Variants in GABRA2 observed in about 807,000 individuals in gnomAD.
GABRA2 encodes the protein gamma-aminobutyric acid receptor subunit alpha-2.
A neutral mutation model predicts 48.7 loss-of-function variants in GABRA2; 16 were observed. That is an observed-to-expected ratio of 0.33 (90% CI 0.22 to 0.50). The LOEUF is 0.50. Among genes scored for constraint, GABRA2 ranks in the 20% least tolerant of loss-of-function variants. The pLI, the probability that GABRA2 is intolerant of heterozygous loss-of-function variation, is 0.98. For missense variants in GABRA2, 275 were observed against 535.6 expected (o/e 0.51, Z 4.80); for synonymous variants, 185 against 184.5 (o/e 1.00, Z -0.02).
intron 3 of GABRA2, among the ~76,000 whole-genome samples, chr4:46,357,371 CT>C (rs2109939198): frequency 6.7e-6 from 1 of 148,688 alleles, no homozygotes; most frequent in African/African-American, 2.5e-5. Context: ...CCCTAAACAG[CT>C]ACAGAGGAGC....
chr4:46,382,434 G>T (rs994867370), intron 3 of GABRA2, among the ~76,000 whole-genome samples: 4 of 152,090 alleles, frequency 2.6e-5, no homozygotes, highest in Admixed American at 2.6e-4. Context: ...CTGAAGCGAT[G>T]TTAGCAAGAA....
chr4:46,332,863 C>A (rs1373986491), intron 3 of GABRA2, among the ~76,000 whole-genome samples, 181 bp from the exon 4 acceptor site: 3 of 152,108 alleles, frequency 2.0e-5, no homozygotes, highest in Non-Finnish European at 4.4e-5. Context: ...CATTGGTTTT[C>A]ACCATCCTAA....
chr4:46,322,772 C>G (rs1233389046), intron 4 of GABRA2, among the ~76,000 whole-genome samples: 1 of 151,856 alleles, frequency 6.6e-6, no homozygotes, highest in African/African-American at 2.4e-5. Context: ...GATACTGAGC[C>G]ATAATGTTTC....
At chr4:46,350,656 C>A (rs576272106) in intron 3 of GABRA2, among the ~76,000 whole-genome samples, 1 of 151,878 alleles carries the variant, frequency 6.6e-6, no homozygotes, top group Non-Finnish European at 1.5e-5. Flanking sequence ...AAGAGAGCTA[C>A]ATGAAGACAC....
intron 8 of GABRA2, among the ~76,000 whole-genome samples, chr4:46,262,473 C>T (rs745657493): frequency 2.6e-5 from 4 of 152,142 alleles, no homozygotes; most frequent in Middle Eastern, 6.8e-3. Context: ...TTTAAATGGT[C>T]CCATTGACAA....
Position 46,330,591 on chromosome 4 carries a change from T to TATATATAGAGAGAG in GABRA2, c.255+2023_255+2024insCTCTCTCTATATAT, listed in dbSNP as rs1411755120. ...ATATATATATATATATATATATATA[T>TATATATAGAGAGAG]AGAGAGAGAGAGAGAGAGATGTTTT... On this transcript the variant is annotated intron_variant, in intron 4 of 9. Coordinates refer to ENST00000381620, the MANE Select transcript of GABRA2 (RefSeq NM_000807.4). Among the ~76,000 whole-genome samples, 381 of 122,598 alleles carry TATATATAGAGAGAG rather than the reference T, an allele frequency of 3.1e-3. 2 individuals carry two copies. The highest frequency in any genetic ancestry group is 9.7e-3 in the Admixed American group (102 of 10,464). 80.4% of individuals were successfully genotyped at this position (122,598 alleles called of 152,430 possible). A position where few individuals can be genotyped will look rare whatever the true frequency, so the allele number is the denominator to read the frequency against.
intron 8 of GABRA2, among the ~76,000 whole-genome samples, chr4:46,280,733 A>G (rs570132926): frequency 6.6e-6 from 1 of 152,288 alleles, no homozygotes; most frequent in Admixed American, 6.5e-5. Flanking sequence ...GGCTATTTCT[A>G]GAGATGGATC....
At chr4:46,340,004 T>C (rs1223664432) in intron 3 of GABRA2, among the ~76,000 whole-genome samples, 1 of 151,822 alleles carries the variant, frequency 6.6e-6, no homozygotes, top group Non-Finnish European at 1.5e-5. Context: ...TTCCCTATTG[T>C]ATTTTATTTA....
Position 46,305,562 on chromosome 4 carries a change from A to G in GABRA2, c.703+6T>C. 6.2e-7 allele frequency: 1 copy of G among 1,610,666 alleles called. No homozygotes were observed. The highest frequency in any genetic ancestry group is 8.5e-7 in the Non-Finnish European group (1 of 1,178,764). Reference sequence around the variant, plus strand: ...ACCAGCTTTTTTAAAGACTAATTTTACTAACCTGTACTGGATTTAATTGTC... The same window carrying G: ...ACCAGCTTTTTTAAAGACTAATTTTGCTAACCTGTACTGGATTTAATTGTC... On this transcript the variant is annotated splice_donor_region_variant and intron_variant, in intron 7 of 9. Transcript: ENST00000381620.
chr4:46,364,746 C>A (rs1713776387), intron 3 of GABRA2: 1 of 152,170 alleles, frequency 6.6e-6, no homozygotes, highest in African/African-American at 2.4e-5. Flanking sequence ...TCTCTGATCT[C>A]TTGATTTAGA....
rs975351065 is a variant in GABRA2 at position 46,248,287 on chromosome 4, A to G, written c.*2021T>C. 1.3e-5 allele frequency: 2 copies of G among 151,368 alleles called. No homozygotes were observed. Among genetic ancestry groups the G allele is most frequent in the Non-Finnish European group, 3.0e-5 (2 of 67,548 alleles). The allele number at this position is 151,368 out of a possible 1,614,324, so 9.4% of individuals were successfully genotyped here. ...GCCTTCTGGCATTGTGTACTTCCTT[A>G]TACAATTGCACACATCCCTAAACTA... On this transcript the variant is annotated 3_prime_UTR_variant, in exon 10 of 10. Transcript: ENST00000381620.
At position 46,248,615 on chromosome 4, in the gene GABRA2, G is replaced by T. The variant is rs927488821; in HGVS notation, c.*1693C>A. ...TATAATAGAATCACATGGAAACAAA[G>T]AAATTTTAAAAATTAAATGAGGCAA... On this transcript the variant is annotated 3_prime_UTR_variant, in exon 10 of 10. Transcript: ENST00000381620. The T allele has an allele frequency of 1.3e-5, 2 of 151,292 alleles. No individual in the cohort carries two copies. Among genetic ancestry groups the T allele is most frequent in the East Asian group, 2.0e-4 (1 of 5,126 alleles). 9.4% of individuals were successfully genotyped at this position (151,292 alleles called of 1,614,324 possible).
At chr4:46,370,805 A>G (rs16859346) in intron 3 of GABRA2, among the ~76,000 whole-genome samples, 3,419 of 151,762 alleles carry the variant, frequency 0.023, 130 homozygotes, top group African/African-American at 0.078. Context: ...TCAACTCTAT[A>G]CTCTGTCTAT....
chr4:46,378,283 C>T (rs1014909481), intron 3 of GABRA2, among the ~76,000 whole-genome samples: 17 of 152,142 alleles, frequency 1.1e-4, no homozygotes, highest in African/African-American at 3.4e-4. Flanking sequence ...AAGAGGTAGA[C>T]GTGGGAGACT....
chr4:46,252,394 G>C (rs1201196124), intron 9 of GABRA2, among the ~76,000 whole-genome samples: 1 of 151,464 alleles, frequency 6.6e-6, no homozygotes, highest in Non-Finnish European at 1.5e-5. Context: ...TTGAGCACTA[G>C]AATGTGTCGG....
intron 3 of GABRA2, chr4:46,368,084 C>T (rs1714321086): frequency 6.6e-6 from 1 of 152,118 alleles, no homozygotes; most frequent in Non-Finnish European, 1.5e-5. Context: ...CAATCCGAAA[C>T]CCTAAGTGAG....
rs191199124 is a variant in GABRA2, at chr4:46,346,515, G to A, written c.188-13833C>T. ...TTGGAAAAGTGAAATATAAACATAC[G>A]TTTAATATATTACATATCCTCTTAG... On this transcript the variant is annotated intron_variant, in intron 3 of 9. Transcript: ENST00000381620. Among the ~76,000 whole-genome samples, 690 of 151,022 alleles carry A rather than the reference G, an allele frequency of 4.6e-3. 5 individuals carry two copies. Among genetic ancestry groups the A allele is most frequent in the African/African-American group, 0.016 (645 of 41,358 alleles).
chr4:46,385,494 G>T (rs1389077881), intron 3 of GABRA2, among the ~76,000 whole-genome samples: 1 of 151,764 alleles, frequency 6.6e-6, no homozygotes, highest in African/African-American at 2.4e-5. Flanking sequence ...ATCAAACTGT[G>T]CCACAATCCA....
At chr4:46,294,699 C>A (rs1203768327) in intron 8 of GABRA2, among the ~76,000 whole-genome samples, 1 of 152,156 alleles carries the variant, frequency 6.6e-6, no homozygotes, top group African/African-American at 2.4e-5. Context: ...ATGGACATCT[C>A]TAAGATTTTG....
Sources: gnomAD v4.1 joint callset for allele counts (sites outside exome capture counted in the v4.1 genomes callset) on GRCh38, gnomAD v4.1.1 for gene constraint, MANE v1.5 for transcripts, NCBI Gene and HGNC (gene_info 2026-07-23, HGNC 2026-07-21) for gene names.